Variants in L3MBTL4 observed in about 807,000 individuals in gnomAD.
The protein encoded by L3MBTL4 is L3MBTL histone methyl-lysine binding protein 4.
L3MBTL4 carries 70 observed loss-of-function variants against 84.5 expected under a neutral mutation model. That is an observed-to-expected ratio of 0.83 (90% CI 0.68 to 1.01). L3MBTL4 has a LOEUF of 1.01. Among genes scored for constraint, L3MBTL4 ranks in the 50% least tolerant of loss-of-function variants. L3MBTL4 has a pLI of 0.00. For missense variants in L3MBTL4, 715 were observed against 754.8 expected (o/e 0.95, Z 0.62); for synonymous variants, 274 against 259.8 (o/e 1.05, Z -0.52).
chr18:6,013,594 A>G (rs1323678162), intron 16 of L3MBTL4, among the ~76,000 whole-genome samples: 1 of 152,178 alleles, frequency 6.6e-6, no homozygotes, highest in Non-Finnish European at 1.5e-5. Context: ...TAAGTTCCTT[A>G]GCGCGTCCTC....
chr18:6,379,422 T>C (rs1275046240), intron 1 of L3MBTL4, among the ~76,000 whole-genome samples: 4 of 152,242 alleles, frequency 2.6e-5, no homozygotes, highest in African/African-American at 9.6e-5. Context: ...GTTCCAGTTT[T>C]TGCCCATTCA....
At position 6,006,164 on chromosome 18, in the gene L3MBTL4, AGTGCT is replaced by A. The variant is rs2054475477; in HGVS notation, c.1445-36607_1445-36603del. Among the ~76,000 whole-genome samples the A allele has an allele frequency of 1.2e-4, 18 of 152,378 alleles. No homozygotes were observed. The South Asian group carries it at 3.3e-3, about 28-fold the overall frequency. On this transcript the variant is annotated intron_variant, in intron 16 of 18. Coordinates refer to ENST00000317931, the MANE Select transcript of L3MBTL4 (RefSeq NM_001330559.2). ...AAACTCAAGAAATATGGTTCCCATT[AGTGCT>A]TCTGGAGGATATCTCTAGAGGGGAA... is the stretch of plus-strand genomic sequence containing the variant.
At position 6,129,177 on chromosome 18, in the gene L3MBTL4, C is replaced by T. The variant is rs951149867; in HGVS notation, c.1199+9017G>A. Among the ~76,000 whole-genome samples the T allele has an allele frequency of 4.6e-5, 7 of 152,100 alleles. No homozygotes were observed. The South Asian group carries it at 6.2e-4, about 14-fold the overall frequency. On this transcript the variant is annotated intron_variant, in intron 14 of 18. Transcript: ENST00000317931. ...CGATTACATGTAAAGTCAGACCAAC[C>T]GAACAAGAATTCCAAGAGCTGCACC...
At chr18:6,016,022 C>T (rs2054958638) in intron 16 of L3MBTL4, among the ~76,000 whole-genome samples, 1 of 152,176 alleles carries the variant, frequency 6.6e-6, no homozygotes. Flanking sequence ...TGTCCTGTGA[C>T]CACTGCGGAA....
intron 14 of L3MBTL4, among the ~76,000 whole-genome samples, chr18:6,132,679 CTT>C (rs2059909163): frequency 6.6e-6 from 1 of 152,162 alleles, no homozygotes; most frequent in African/African-American, 2.4e-5. Flanking sequence ...AGTAGATAAA[CTT>C]AAGTCAAATA....
At chr18:6,123,570 C>T (rs2059594580) in intron 14 of L3MBTL4, among the ~76,000 whole-genome samples, 1 of 152,148 alleles carries the variant, frequency 6.6e-6, no homozygotes, top group Admixed American at 6.5e-5. Flanking sequence ...GATTGTGAGG[C>T]CTCCCCAGCC....
chr18:5,967,775 C>T (rs145272195), intron 17 of L3MBTL4, among the ~76,000 whole-genome samples: 138 of 152,276 alleles, frequency 9.1e-4, no homozygotes, highest in African/African-American at 3.0e-3. Flanking sequence ...TGGGAGAAGG[C>T]GGGACTGTTT....
chr18:6,313,986 AG>A (rs2050959394), intron 1 of L3MBTL4, among the ~76,000 whole-genome samples: 1 of 152,202 alleles, frequency 6.6e-6, no homozygotes, highest in African/African-American at 2.4e-5. Context: ...ATCAAATACA[AG>A]AGACCATTAA....
intron 16 of L3MBTL4, among the ~76,000 whole-genome samples, chr18:6,052,783 G>C (rs554339280): frequency 6.6e-6 from 1 of 152,294 alleles, no homozygotes; most frequent in African/African-American, 2.4e-5. Flanking sequence ...GCGTTAGTAG[G>C]CTAATGGACA....
At chr18:5,995,547 C>T (rs1001052578) in intron 16 of L3MBTL4, among the ~76,000 whole-genome samples, 1 of 152,168 alleles carries the variant, frequency 6.6e-6, no homozygotes, top group Non-Finnish European at 1.5e-5. Context: ...AGATGTGTAC[C>T]TAGCTTTGCT....
intron 12 of L3MBTL4, among the ~76,000 whole-genome samples, chr18:6,178,170 CTCT>C (rs892244963): frequency 6.6e-6 from 1 of 151,914 alleles, no homozygotes; most frequent in African/African-American, 2.4e-5. Flanking sequence ...CAACATTTTC[CTCT>C]TATGTTCATT....
At chr18:6,173,886 T>C (rs117098815) in intron 12 of L3MBTL4, among the ~76,000 whole-genome samples, 2,743 of 152,016 alleles carry the variant, frequency 0.018, 42 homozygotes, top group South Asian at 0.033. Context: ...AAGCAGAGAG[T>C]AGCTGATACG....
At chr18:6,131,425 G>T (rs938382471) in intron 14 of L3MBTL4, among the ~76,000 whole-genome samples, 1 of 152,094 alleles carries the variant, frequency 6.6e-6, no homozygotes, top group African/African-American at 2.4e-5. Context: ...TTAAATATAA[G>T]AATATTTGTC....
intron 13 of L3MBTL4, among the ~76,000 whole-genome samples, chr18:6,146,391 A>G (rs1333423440): frequency 6.6e-6 from 1 of 152,150 alleles, no homozygotes; most frequent in Non-Finnish European, 1.5e-5. Context: ...AGATGTAGAG[A>G]GCAGAAAGAA....
At chr18:6,321,187 C>T (rs997324660) in intron 1 of L3MBTL4, among the ~76,000 whole-genome samples, 5 of 151,900 alleles carry the variant, frequency 3.3e-5, no homozygotes, top group East Asian at 1.9e-4. Flanking sequence ...TTTATGACTA[C>T]GACCCCAAAA....
chr18:6,019,061 A>G (rs1463601444), intron 16 of L3MBTL4, among the ~76,000 whole-genome samples: 1 of 152,244 alleles, frequency 6.6e-6, no homozygotes, highest in Non-Finnish European at 1.5e-5. Flanking sequence ...AGGGAGATGC[A>G]TGGATATTAC....
chr18:6,004,996 AAT>A (rs1491238765), intron 16 of L3MBTL4, among the ~76,000 whole-genome samples: 3 of 42,016 alleles, frequency 7.1e-5, no homozygotes, highest in African/African-American at 1.1e-4. Flanking sequence ...TTAAGATGAT[AAT>A]TTTTTTTTTT....
chr18:6,033,722 C>T (rs1226493587), intron 16 of L3MBTL4, among the ~76,000 whole-genome samples: 1 of 152,106 alleles, frequency 6.6e-6, no homozygotes, highest in Non-Finnish European at 1.5e-5. Flanking sequence ...TATTCTATAG[C>T]TGTTTTCTTT....
At chr18:6,389,618 G>A (rs1300798038) in intron 1 of L3MBTL4, among the ~76,000 whole-genome samples, 2 of 152,116 alleles carry the variant, frequency 1.3e-5, no homozygotes, top group Non-Finnish European at 2.9e-5. Context: ...AATATTCCAT[G>A]CAAATGGAAA....
Sources: allele counts gnomAD v4.1 joint callset (sites outside exome capture counted in the v4.1 genomes callset), GRCh38; gene constraint gnomAD v4.1.1; transcripts MANE v1.5; gene names NCBI Gene and HGNC (gene_info 2026-07-23, HGNC 2026-07-21).